The following TMPRSS6 variants were observed in gnomAD, a reference collection of about 807,000 sequenced individuals.
The protein encoded by TMPRSS6 is transmembrane serine protease 6.
Under a neutral mutation model 101.5 loss-of-function variants are expected in TMPRSS6, and 67 were observed. The ratio of observed to expected loss-of-function variants is 0.66; its 90% confidence interval spans 0.54 to 0.81. TMPRSS6 has a LOEUF of 0.81. Among genes scored for constraint, TMPRSS6 ranks in the 30% least tolerant of loss-of-function variants. TMPRSS6 has a pLI of 0.00. For missense variants in TMPRSS6, 1,034 were observed against 1,088.7 expected (o/e 0.95, Z 0.71); for synonymous variants, 453 against 464.9 (o/e 0.97, Z 0.33).
Position 37,095,607 on chromosome 22 carries a change from T to C in TMPRSS6, c.590-15A>G. 6.5e-7 allele frequency: 1 copy of C among 1,529,828 alleles called. No individual in the cohort carries two copies. Among genetic ancestry groups the C allele is most frequent in the East Asian group, 2.4e-5 (1 of 42,466 alleles). 94.8% of individuals were successfully genotyped at this position (1,529,828 alleles called of 1,614,324 possible). Reference sequence around the variant, plus strand: ...CACACTGGCTTCTGATAAAAGGAAATGAACAAACAAATAAACAAGAACAAA... The same window carrying C: ...CACACTGGCTTCTGATAAAAGGAAACGAACAAACAAATAAACAAGAACAAA... On this transcript the variant is annotated splice_polypyrimidine_tract_variant and intron_variant, in intron 5 of 17. Coordinates refer to ENST00000676104, the MANE Select transcript of TMPRSS6 (RefSeq NM_001374504.1).
chr22:37,096,817 A>C, intron 3 of TMPRSS6, 102 bp from the exon 4 acceptor site: 1 of 1,148,706 alleles, frequency 8.7e-7, no homozygotes. Context: ...GCCCCGCTCC[A>C]TGCATGATTC....
At chr22:37,110,454 C>T (rs968938358), upstream of TMPRSS6, among the ~76,000 whole-genome samples, 3 of 152,098 alleles carry the variant, frequency 2.0e-5, no homozygotes, top group Non-Finnish European at 4.4e-5. Context: ...TGAATTCCTA[C>T]CTGGTTCCGT....
intron 17 of TMPRSS6, 136 bp from the exon 18 acceptor site, chr22:37,066,374 T>G: frequency 1.0e-6 from 1 of 975,518 alleles, no homozygotes; most frequent in Non-Finnish European, 1.5e-6. Flanking sequence ...AAAGCTCTGC[T>G]TTCCCCTCGC....
intron 6 of TMPRSS6, among the ~76,000 whole-genome samples, chr22:37,095,293 C>T (rs888189875): frequency 2.6e-5 from 4 of 152,134 alleles, no homozygotes; most frequent in Admixed American, 6.5e-5. Context: ...CATCCTCACA[C>T]CCACACAGGA....
intron 1 of TMPRSS6, among the ~76,000 whole-genome samples, chr22:37,107,911 TC>T: frequency 6.6e-6 from 1 of 152,320 alleles, no homozygotes; most frequent in East Asian, 1.9e-4. Flanking sequence ...ATCTGCCTCC[TC>T]CCTGTCTGTA....
chr22:37,084,368 C>T lies in TMPRSS6; in HGVS notation c.1123G>A (p.Asp375Asn), dbSNP rs181661337. The T allele has an allele frequency of 3.7e-6, 6 of 1,613,210 alleles. No homozygotes were observed. Among genetic ancestry groups the T allele is most frequent in the Non-Finnish European group, 5.1e-6 (6 of 1,179,592 alleles). ...TTCTGCCTCCTCAGTGCATAGGCAT[C>T]AAACCAGAGGGCCAAGCCGTAGTCC... ...SLDYGLALWFDAYALRRQKYD... is the reference protein window; with the variant it reads ...SLDYGLALWFNAYALRRQKYD... Residue 375 changes from aspartate (D) to asparagine (N), a missense_variant, in exon 10 of 18, where the codon GAT becomes AAT. Asp to Asn is a conservative substitution (Grantham distance 23). Transcript: ENST00000676104.
intron 10 of TMPRSS6, among the ~76,000 whole-genome samples, chr22:37,081,041 T>G (rs897600343): frequency 2.6e-5 from 4 of 152,260 alleles, no homozygotes; most frequent in Admixed American, 2.0e-4. Flanking sequence ...AAGAGCTGGG[T>G]GACTTTGTGC....
intron 1 of TMPRSS6, among the ~76,000 whole-genome samples, chr22:37,108,179 G>A (rs1455776378): frequency 1.3e-5 from 2 of 152,128 alleles, no homozygotes; most frequent in Non-Finnish European, 2.9e-5. Flanking sequence ...GCAGCCAGCC[G>A]GCACCAAGAG....
chr22:37,069,213 T>C lies in TMPRSS6; in HGVS notation c.1973A>G (p.Tyr658Cys). 6.2e-7 allele frequency: 1 copy of C among 1,608,070 alleles called. No homozygotes were observed. The highest frequency in any genetic ancestry group is 8.5e-7 in the Non-Finnish European group (1 of 1,178,010). The change falls in exon 16 of 18, where the codon TAC (tyrosine) becomes TGC (cysteine). Residue 658 changes from tyrosine to cysteine, a missense_variant. Tyr to Cys is a radical substitution (Grantham distance 194, BLOSUM62 -2). Coordinates refer to ENST00000676104, the MANE Select transcript of TMPRSS6 (RefSeq NM_001374504.1). The surrounding 1 kb of genome is among the most constrained non-coding windows in gnomAD (Gnocchi z 4.8). ...HPYHEEDSHD[Y>C]DVALLQLDHP... ...GTCGAGCTGCAGCAGCGCCACGTCG[T>C]AGTCATGGCTGTCCTCTTCGTGGTA...
rs554034183 is a variant in TMPRSS6 at position 37,086,591 on chromosome 22, C to T, written c.837-172G>A. 6.3e-4 allele frequency among the ~76,000 whole-genome samples: 96 copies of T among 152,258 alleles called. 2 individuals are homozygous for T. Among genetic ancestry groups the T allele is most frequent in the African/African-American group, 2.2e-3 (92 of 41,542 alleles). ...TCTGTGGGGAGAATTCTGTGTCTCC[C>T]CAGCCCCAGAGGACAGACTGAAGGC... On this transcript the variant is annotated intron_variant, in intron 7 of 17. Transcript: ENST00000676104.
intron 6 of TMPRSS6, among the ~76,000 whole-genome samples, chr22:37,094,356 A>G (rs2543513): frequency 0.43 from 64,854 of 151,792 alleles, 14,059 homozygotes; most frequent in African/African-American, 0.48. Flanking sequence ...TATTCTAGCA[A>G]TTCTCTTTTT....
Position 37,075,250 on chromosome 22 carries a change from G to A in TMPRSS6, c.1227C>T (p.Tyr409=), listed in dbSNP as rs881144. 0.11 allele frequency: 171,995 copies of A among 1,613,600 alleles called. 10,004 individuals carry two copies. The highest frequency in any genetic ancestry group is 0.12 in the Non-Finnish European group (143,281 of 1,180,006). Residue 409 remains tyrosine, a synonymous_variant, in exon 11 of 18, where the codon TAC becomes TAT. Coordinates refer to ENST00000676104, the MANE Select transcript of TMPRSS6 (RefSeq NM_001374504.1). ...TGGCCACCACGGGGATCCTCTCGGCGTAGGGCTGCAGGATGCGCAAGCCAC... is the reference window on the plus strand; with the variant it reads ...TGGCCACCACGGGGATCCTCTCGGCATAGGGCTGCAGGATGCGCAAGCCAC... ...RLCGLRILQP[Y]AERIPVVATA...
chr22:37,066,796 C>T, intron 17 of TMPRSS6, 30 bp downstream of exon 17: 6 of 1,614,050 alleles, frequency 3.7e-6, no homozygotes, highest in Non-Finnish European at 5.1e-6. Flanking sequence ...TTTCTCCCTC[C>T]TCTCTCCCTC....
chr22:37,104,201 G>C (rs947696577), intron 1 of TMPRSS6, among the ~76,000 whole-genome samples: 1 of 152,150 alleles, frequency 6.6e-6, no homozygotes, highest in African/African-American at 2.4e-5. Context: ...CTGAGACCCA[G>C]AGTGTTCTAG....
intron 10 of TMPRSS6, among the ~76,000 whole-genome samples, chr22:37,079,907 G>A (rs1020732744): frequency 2.6e-5 from 4 of 152,246 alleles, no homozygotes; most frequent in Admixed American, 6.5e-5. Flanking sequence ...GGCCACTAGC[G>A]CTCCGGAGAA....
chr22:37,109,886 G>A (rs570153376), upstream of TMPRSS6, among the ~76,000 whole-genome samples: 36 of 152,200 alleles, frequency 2.4e-4, no homozygotes, highest in East Asian at 1.9e-3. Context: ...CCTGGTCCCC[G>A]AGAGCATGAG....
chr22:37,108,868 C>T (rs553814464), intron 1 of TMPRSS6, among the ~76,000 whole-genome samples: 7 of 152,282 alleles, frequency 4.6e-5, no homozygotes, highest in African/African-American at 1.7e-4. Context: ...GCCCTAGAGT[C>T]CTGAGAGTGT....
chr22:37,091,870 G>C (rs919211056), intron 6 of TMPRSS6, among the ~76,000 whole-genome samples: 1 of 152,216 alleles, frequency 6.6e-6, no homozygotes, highest in Admixed American at 6.5e-5. Context: ...ACTTTGCTCT[G>C]ATGCTGCCAC....
chr22:37,075,745 A>G (rs1467884034), intron 10 of TMPRSS6, among the ~76,000 whole-genome samples: 2 of 152,154 alleles, frequency 1.3e-5, no homozygotes, highest in Non-Finnish European at 2.9e-5. Context: ...GCTACTAAAA[A>G]TACAAAATTA....
Sources: allele counts gnomAD v4.1 joint callset (sites outside exome capture counted in the v4.1 genomes callset), GRCh38; gene constraint gnomAD v4.1.1; non-coding constraint Gnocchi (gnomAD v3.1); transcripts MANE v1.5; gene names NCBI Gene and HGNC (gene_info 2026-07-23, HGNC 2026-07-21).